The following DMC1 variants were observed in gnomAD, a reference collection of about 807,000 sequenced individuals.
DMC1 encodes the protein meiotic recombination protein DMC1 homolog.
Under a neutral mutation model 50.1 loss-of-function variants are expected in DMC1, and 27 were observed. The observed-to-expected ratio is 0.54, with a 90% CI of 0.40 to 0.74. DMC1 has a LOEUF of 0.74. Among genes scored for constraint, DMC1 ranks in the 30% least tolerant of loss-of-function variants. The pLI is 0.00. For synonymous variants in DMC1, 148 were observed against 136.1 expected (o/e 1.09, Z -0.61); for missense variants, 295 against 420.2 (o/e 0.70, Z 2.60).
rs376990680 is a variant in DMC1, at chr22:38,562,312, T to C, written c.301A>G (p.Ile101Val). The C allele has an allele frequency of 2.2e-5, 35 of 1,612,310 alleles. No individual in the cohort carries two copies. Among genetic ancestry groups the C allele is most frequent in the Non-Finnish European group, 3.0e-5 (35 of 1,178,672 alleles). Residue 101 changes from isoleucine (I) to valine (V), a missense_variant, in exon 5 of 14, where the codon ATC becomes GTC. Transcript: ENST00000216024. ...YSEKRKMVFH[I>V]TTGSQEFDKL... ...TCAAATTCCTGGCTCCCGGTGGTGA[T>C]ATGGAAAACCATTTTCCTCTTTTCA... is the stretch of plus-strand genomic sequence containing the variant.
chr22:38,553,669 C>T lies in DMC1; in HGVS notation c.380-962G>A, dbSNP rs557283093. ...TGAAACCCCATCTCTACCAAAAATA[C>T]AACAATTAGCTGGGCATGGTGGCTC... On this transcript the variant is annotated intron_variant, in intron 6 of 13. Transcript: ENST00000216024. Among the ~76,000 whole-genome samples the T allele has an allele frequency of 4.0e-5, 6 of 150,124 alleles. No homozygotes were observed. In the South Asian group the frequency reaches 1.3e-3, roughly 32 times the overall value.
chr22:38,547,696 C>T (rs1011219943), intron 8 of DMC1, among the ~76,000 whole-genome samples: 4 of 152,150 alleles, frequency 2.6e-5, no homozygotes, highest in Admixed American at 6.5e-5. Flanking sequence ...TGTGCCGCCA[C>T]GCCCGGCTAA....
chr22:38,523,103 A>C (rs573705695), intron 12 of DMC1, among the ~76,000 whole-genome samples: 4 of 152,348 alleles, frequency 2.6e-5, no homozygotes, highest in Non-Finnish European at 5.9e-5. Flanking sequence ...AATGTTTTAA[A>C]TGCAAATGCA....
intron 12 of DMC1, among the ~76,000 whole-genome samples, chr22:38,533,103 G>A (rs1483922923): frequency 6.6e-6 from 1 of 151,620 alleles, no homozygotes; most frequent in Non-Finnish European, 1.5e-5. Flanking sequence ...CTTATAAAAG[G>A]GTCTTGAGGC....
At chr22:38,552,902 C>T (rs974488581) in intron 6 of DMC1, among the ~76,000 whole-genome samples, 195 bp from the exon 7 acceptor site, 1 of 151,522 alleles carries the variant, frequency 6.6e-6, no homozygotes, top group Non-Finnish European at 1.5e-5. Flanking sequence ...GGCTGGAGTG[C>T]AGTGGCACGA....
At chr22:38,518,548 TGAGACAGAGTCTCACTC>T (rs2089992202), downstream of DMC1, among the ~76,000 whole-genome samples, 1 of 152,014 alleles carries the variant, frequency 6.6e-6, no homozygotes, top group African/African-American at 2.4e-5. Context: ...TTTTTTTTTT[TGAGACAGAGTCTCACTC>T]TGTGACCCAG....
At chr22:38,530,849 C>T (rs146072634) in intron 12 of DMC1, among the ~76,000 whole-genome samples, 8,643 of 152,152 alleles carry the variant, frequency 0.057, 317 homozygotes, top group Non-Finnish European at 0.08. Flanking sequence ...GTGGGCGGAT[C>T]GCCCGAGGTC....
At chr22:38,510,090 C>T in the DMC1 span, among the ~76,000 whole-genome samples, 1 of 152,038 alleles carries the variant, frequency 6.6e-6, no homozygotes, top group African/African-American at 2.4e-5. Context: ...TGGCGCATGC[C>T]TGTAGCTACT....
chr22:38,553,127 T>A (rs928538041), intron 6 of DMC1, among the ~76,000 whole-genome samples: 1 of 150,200 alleles, frequency 6.7e-6, no homozygotes, highest in Non-Finnish European at 1.5e-5. Flanking sequence ...GGATTACAGG[T>A]GTGAGCCACC....
At position 38,538,377 on chromosome 22, in the gene DMC1, C is replaced by T; in HGVS notation, c.693G>A (p.Val231=). 6.2e-7 allele frequency: 1 copy of T among 1,613,962 alleles called. No individual in the cohort carries two copies. Among genetic ancestry groups the T allele is most frequent in the South Asian group, 1.1e-5 (1 of 91,068 alleles). ...IIDSIMALFR[V]DFSGRGELAE... ...CCAACTCCCCACGGCCACTGAAATC[C>T]ACTCGAAAAAGTGCCATTATTGAAT... The change falls in exon 11 of 14, where the codon GTG becomes GTA. Residue 231 remains valine, a synonymous_variant. Coordinates refer to ENST00000216024, the MANE Select transcript of DMC1 (RefSeq NM_007068.4).
At chr22:38,509,681 T>G in the DMC1 span, among the ~76,000 whole-genome samples, 1 of 151,982 alleles carries the variant, frequency 6.6e-6, no homozygotes, top group Non-Finnish European at 1.5e-5. Flanking sequence ...TTTTTTGTTT[T>G]TTTTTAGAGA....
intron 4 of DMC1, among the ~76,000 whole-genome samples, chr22:38,563,372 G>C (rs1007319891): frequency 6.6e-6 from 1 of 152,178 alleles, no homozygotes; most frequent in African/African-American, 2.4e-5. Context: ...CTTGGAGAAT[G>C]GGGACAGCCA....
intron 8 of DMC1, among the ~76,000 whole-genome samples, chr22:38,542,503 G>A (rs1323974166): frequency 2.0e-5 from 3 of 152,086 alleles, no homozygotes; most frequent in Non-Finnish European, 4.4e-5. Flanking sequence ...CCAAAGAAGT[G>A]AAGGATCTCT....
rs1317816832 is a variant in DMC1, at chr22:38,553,957, A to AG, written c.380-1251_380-1250insC. Among the ~76,000 whole-genome samples the AG allele has an allele frequency of 3.3e-4, 35 of 105,206 alleles. 1 individual carries two copies. Among genetic ancestry groups the AG allele is most frequent in the African/African-American group, 1.7e-3 (34 of 20,380 alleles). The allele number at this position is 105,206 out of a possible 152,430, so 69.0% of individuals were successfully genotyped here. A position where few individuals can be genotyped will look rare whatever the true frequency, so the allele number is the denominator to read the frequency against. ...GGCAACAGAGCGAGACTCCATCTCCAAAAAAAAAAAAAAAAAAAAAAAAAA... is the reference window on the plus strand; with the variant it reads ...GGCAACAGAGCGAGACTCCATCTCCAGAAAAAAAAAAAAAAAAAAAAAAAAA... On this transcript the variant is annotated intron_variant, in intron 6 of 13. Transcript: ENST00000216024.
At chr22:38,549,619 C>A (rs1158608585) in intron 8 of DMC1, 4 of 246,446 alleles carry the variant, frequency 1.6e-5, no homozygotes, top group Non-Finnish European at 3.1e-5. Flanking sequence ...GAGATTCCGT[C>A]TCAAAAAAAA....
At chr22:38,562,813 A>C (rs998970955) in intron 4 of DMC1, among the ~76,000 whole-genome samples, 8 of 152,002 alleles carry the variant, frequency 5.3e-5, no homozygotes, top group Admixed American at 2.6e-4. Flanking sequence ...ATACATATAC[A>C]TATATACACA....
chr22:38,568,089 T>A, intron 2 of DMC1, 117 bp downstream of exon 2: 3 of 905,408 alleles, frequency 3.3e-6, no homozygotes, highest in Non-Finnish European at 5.4e-6. Context: ...ATATTTGCAA[T>A]ATATAACTAT....
chr22:38,531,001 C>T (rs1447994387), intron 12 of DMC1, among the ~76,000 whole-genome samples: 4 of 152,018 alleles, frequency 2.6e-5, no homozygotes, highest in Non-Finnish European at 5.9e-5. Context: ...ACCTGGGAGG[C>T]GGAGGTTGCA....
intron 6 of DMC1, 52 bp downstream of exon 6, chr22:38,555,299 GATGTGT>G (rs1476089175): frequency 9.6e-7 from 1 of 1,040,486 alleles, no homozygotes; most frequent in Non-Finnish European, 1.5e-6. Context: ...TATACACATA[GATGTGT>G]ATGTGTGTGT....
Sources: allele counts gnomAD v4.1 joint callset (sites outside exome capture counted in the v4.1 genomes callset), GRCh38; gene constraint gnomAD v4.1.1; transcripts MANE v1.5; gene names NCBI Gene and HGNC (gene_info 2026-07-23, HGNC 2026-07-21).